CPNE5: variants seen among roughly 807,000 people sequenced by gnomAD.
CPNE5 encodes the protein copine-5.
Under a neutral mutation model 81.1 loss-of-function variants are expected in CPNE5, and 42 were observed. The observed-to-expected ratio is 0.52, with a 90% confidence interval of 0.40 to 0.67. CPNE5 has a LOEUF of 0.67. Among genes scored for constraint, CPNE5 ranks in the 30% least tolerant of loss-of-function variants. CPNE5 has a pLI of 0.00. For synonymous variants in CPNE5, 313 were observed against 321.5 expected, an observed-to-expected ratio of 0.97 and a Z score of 0.28; for missense variants, 612 against 815.5, an observed-to-expected ratio of 0.75 and a Z score of 3.04.
chr6:36,757,703 T>C (rs954428155), intron 12 of CPNE5, among the ~76,000 whole-genome samples: 1 of 151,872 alleles, frequency 6.6e-6, no homozygotes, highest in African/African-American at 2.4e-5. Context: ...ATCACAGAAG[T>C]GTCAGGGGAG....
chr6:36,789,093 A>T (rs1468134035), intron 8 of CPNE5, among the ~76,000 whole-genome samples: 1 of 152,264 alleles, frequency 6.6e-6, no homozygotes, highest in Non-Finnish European at 1.5e-5. Context: ...TAATTCAGCC[A>T]GATGCTGGGA....
chr6:36,818,993 G>A (rs557034122), intron 3 of CPNE5, among the ~76,000 whole-genome samples: 2 of 152,326 alleles, frequency 1.3e-5, no homozygotes, highest in South Asian at 4.1e-4. Flanking sequence ...CAGGCTAAAT[G>A]TTTCCCTAGC....
chr6:36,784,749 C>A (rs1256739742), intron 8 of CPNE5, among the ~76,000 whole-genome samples: 1 of 152,084 alleles, frequency 6.6e-6, no homozygotes. Context: ...CGAGACCAGC[C>A]TGGACAACAT....
chr6:36,828,190 G>A (rs1772669329), intron 1 of CPNE5, among the ~76,000 whole-genome samples: 2 of 151,586 alleles, frequency 1.3e-5, no homozygotes, highest in Admixed American at 1.3e-4. Flanking sequence ...AAAGAAGCTG[G>A]GCACATGTAG....
intron 7 of CPNE5, among the ~76,000 whole-genome samples, chr6:36,793,550 A>C (rs1769285205): frequency 6.6e-6 from 1 of 150,908 alleles, no homozygotes; most frequent in Non-Finnish European, 1.5e-5. Flanking sequence ...TCTATTTCCG[A>C]TCCTTCTTTC....
chr6:36,786,241 G>A (rs1233610223), intron 8 of CPNE5, among the ~76,000 whole-genome samples: 1 of 152,092 alleles, frequency 6.6e-6, no homozygotes, highest in Non-Finnish European at 1.5e-5. Context: ...AGGAGGAGGA[G>A]CCTGGAGCTG....
chr6:36,822,258 AC>A (rs746876116), intron 2 of CPNE5, 98 bp from the exon 3 acceptor site: 1 of 1,005,028 alleles, frequency 9.9e-7, no homozygotes, highest in Non-Finnish European at 1.4e-6. Flanking sequence ...GCCTCAGCAG[AC>A]CCAGCCTGGG....
intron 17 of CPNE5, 86 bp from the exon 18 acceptor site, chr6:36,745,236 G>A: frequency 1.4e-6 from 2 of 1,430,442 alleles, no homozygotes; most frequent in Non-Finnish European, 1.9e-6. Context: ...ACACTTTGGA[G>A]GGTGACAGCT....
At chr6:36,828,413 CAT>C (rs1486962434) in intron 1 of CPNE5, among the ~76,000 whole-genome samples, 1 of 147,750 alleles carries the variant, frequency 6.8e-6, no homozygotes, top group Non-Finnish European at 1.5e-5. Flanking sequence ...GACCAGGAGA[CAT>C]AGCCTCTGCC....
chr6:36,817,424 G>A lies in CPNE5; in HGVS notation c.183+4690C>T, dbSNP rs115687611. On this transcript the variant is annotated intron_variant, in intron 3 of 20. Coordinates refer to ENST00000244751, the MANE Select transcript of CPNE5 (RefSeq NM_020939.2). Reference sequence around the variant, plus strand: ...ATCTTCACTCCTGGAGTCTGGGCACGGGTCCTGCTCACCTCTCATAAATGA... The same window carrying A: ...ATCTTCACTCCTGGAGTCTGGGCACAGGTCCTGCTCACCTCTCATAAATGA... Among the ~76,000 whole-genome samples, 656 of 152,280 alleles carry A rather than the reference G, an allele frequency of 4.3e-3. 6 individuals are homozygous for A. Among genetic ancestry groups the A allele is most frequent in the African/African-American group, 0.015 (622 of 41,552 alleles).
At chr6:36,808,613 G>A (rs1770815275) in intron 3 of CPNE5, among the ~76,000 whole-genome samples, 1 of 152,132 alleles carries the variant, frequency 6.6e-6, no homozygotes, top group African/African-American at 2.4e-5. Flanking sequence ...CCCCCTGAGA[G>A]GGTGTACCTC....
chr6:36,807,439 G>A (rs1288416831), intron 3 of CPNE5, among the ~76,000 whole-genome samples: 1 of 152,156 alleles, frequency 6.6e-6, no homozygotes, highest in African/African-American at 2.4e-5. Flanking sequence ...TTAGAAGAGA[G>A]CCTGGGACAT....
chr6:36,767,379 T>C (rs930518986), intron 10 of CPNE5, among the ~76,000 whole-genome samples: 5 of 152,258 alleles, frequency 3.3e-5, no homozygotes, highest in East Asian at 1.9e-4. Flanking sequence ...TCCACCCCAC[T>C]GTCAGATGGG....
At chr6:36,784,696 C>T (rs901281224) in intron 8 of CPNE5, among the ~76,000 whole-genome samples, 2 of 152,186 alleles carry the variant, frequency 1.3e-5, no homozygotes, top group African/African-American at 4.8e-5. Context: ...AGTCTCAGCA[C>T]TTTGGGAGGC....
At chr6:36,743,848 C>T (rs1763812758) in intron 19 of CPNE5, 86 bp from the exon 20 acceptor site, 2 of 1,153,696 alleles carry the variant, frequency 1.7e-6, no homozygotes, top group Middle Eastern at 1.9e-4. Flanking sequence ...TCCTTTCATC[C>T]CAGGCCAATC....
At chr6:36,822,252 C>T (rs1336358677) in intron 2 of CPNE5, 92 bp from the exon 3 acceptor site, 53 of 1,028,240 alleles carry the variant, frequency 5.2e-5, no homozygotes, top group Non-Finnish European at 7.3e-5. Context: ...GCAGGCGCCT[C>T]AGCAGACCCA....
chr6:36,750,935 C>T (rs536622627), intron 14 of CPNE5, among the ~76,000 whole-genome samples: 3 of 152,350 alleles, frequency 2.0e-5, no homozygotes, highest in South Asian at 2.1e-4. Flanking sequence ...GAAAATTACT[C>T]GCAGCAGCCT....
At chr6:36,829,837 A>G (rs1022730615) in intron 1 of CPNE5, among the ~76,000 whole-genome samples, 31 of 87,492 alleles carry the variant, frequency 3.5e-4, no homozygotes, top group African/African-American at 5.0e-4. Context: ...AAAAAAGTTG[A>G]GTGTAGGAAT....
At chr6:36,796,322 C>T (rs1218330012) in intron 6 of CPNE5, among the ~76,000 whole-genome samples, 1 of 152,242 alleles carries the variant, frequency 6.6e-6, no homozygotes, top group African/African-American at 2.4e-5. Context: ...AAGTCTCCCT[C>T]AATACTCCCC....
Sources: gnomAD v4.1 joint callset for allele counts (sites outside exome capture counted in the v4.1 genomes callset) on GRCh38, gnomAD v4.1.1 for gene constraint, MANE v1.5 for transcripts, NCBI Gene and HGNC (gene_info 2026-07-23, HGNC 2026-07-21) for gene names.